Variants in MBNL1 observed in about 807,000 individuals in gnomAD.
MBNL1 encodes the protein muscleblind-like protein 1.
In MBNL1, 8 loss-of-function variants were observed where a neutral mutation model predicts 42.2. The ratio of observed to expected loss-of-function variants is 0.19; its 90% CI spans 0.11 to 0.34. The LOEUF (loss-of-function observed/expected upper bound fraction) is 0.34. Ranked by LOEUF, MBNL1 falls within the 10% of genes least tolerant of loss-of-function variation. The probability of loss-of-function intolerance (pLI) is 1.00; values close to 1 mark genes in which losing one functional copy is unlikely to be tolerated. For synonymous variants in MBNL1, 169 were observed against 173.9 expected (o/e 0.97, Z 0.22); for missense variants, 309 against 495.3 (o/e 0.62, Z 3.57).
At chr3:152,297,511 G>A (rs1019194917) in intron 1 of MBNL1, among the ~76,000 whole-genome samples, 3 of 151,540 alleles carry the variant, frequency 2.0e-5, no homozygotes, top group African/African-American at 4.9e-5. Flanking sequence ...CACCATGCCC[G>A]GCTAATTTTT....
At chr3:152,336,605 T>C (rs1333431098) in intron 2 of MBNL1, among the ~76,000 whole-genome samples, 1 of 152,234 alleles carries the variant, frequency 6.6e-6, no homozygotes, top group Admixed American at 6.5e-5. Context: ...AAATTTAAAA[T>C]ACTAACTGCT....
At chr3:152,269,778 A>G (rs2149692266) in intron 1 of MBNL1, 1 of 210,362 alleles carries the variant, frequency 4.8e-6, no homozygotes, top group South Asian at 5.1e-5. Flanking sequence ...CTGTAAGAAA[A>G]GTAAGTATAG....
intron 8 of MBNL1, 189 bp from the exon 9 acceptor site, chr3:152,459,082 G>A (rs1351300410): frequency 4.6e-6 from 2 of 435,678 alleles, no homozygotes; most frequent in Non-Finnish European, 8.3e-6. Flanking sequence ...TTAACATGAA[G>A]ATTTTAAAGT....
chr3:152,384,187 T>C (rs1029459029), intron 2 of MBNL1, among the ~76,000 whole-genome samples: 1 of 152,148 alleles, frequency 6.6e-6, no homozygotes, highest in East Asian at 1.9e-4. Flanking sequence ...GGGTGATCCA[T>C]GGAGGCAGAA....
At chr3:152,262,059 A>G (rs946993313) in intron 2 of MBNL1, among the ~76,000 whole-genome samples, 8 of 152,274 alleles carry the variant, frequency 5.3e-5, no homozygotes, top group African/African-American at 1.9e-4. Flanking sequence ...CCCAACCGCT[A>G]GACTATGAAC....
At chr3:152,387,492 G>A (rs1259537275) in intron 2 of MBNL1, among the ~76,000 whole-genome samples, 1 of 152,054 alleles carries the variant, frequency 6.6e-6, no homozygotes, top group Admixed American at 6.5e-5. Flanking sequence ...CTCTTCAAAA[G>A]TCATGACTTC....
chr3:152,353,460 G>A (rs2095258330), intron 2 of MBNL1, among the ~76,000 whole-genome samples: 1 of 152,142 alleles, frequency 6.6e-6, no homozygotes, highest in African/African-American at 2.4e-5. Context: ...CGTAGGAATT[G>A]ACCAAGCCAC....
chr3:152,425,318 G>A (rs1179789793), intron 3 of MBNL1, among the ~76,000 whole-genome samples: 1 of 152,066 alleles, frequency 6.6e-6, no homozygotes, highest in Non-Finnish European at 1.5e-5. Context: ...ATCATCGGTG[G>A]TCATTAGAGA....
At chr3:152,247,453 A>C (rs1668888096) in intron 2 of MBNL1, among the ~76,000 whole-genome samples, 1 of 152,030 alleles carries the variant, frequency 6.6e-6, no homozygotes, top group African/African-American at 2.4e-5. Flanking sequence ...ATACATGAAA[A>C]GAAAATACCT....
chr3:152,375,685 G>C (rs985043313), intron 2 of MBNL1, among the ~76,000 whole-genome samples: 1 of 152,032 alleles, frequency 6.6e-6, no homozygotes, highest in African/African-American at 2.4e-5. Context: ...CCAGGTCTTC[G>C]ATGTGTGCCT....
chr3:152,463,682 T>G lies in MBNL1; in HGVS notation c.*1316T>G, dbSNP rs1748768597. Reference sequence around the variant, plus strand: ...CTGCTTATAGCCTTAGAAAGCCTTTTACAAAATTAAAAAAAAAATAGATGT... The same window carrying G: ...CTGCTTATAGCCTTAGAAAGCCTTTGACAAAATTAAAAAAAAAATAGATGT... On this transcript the variant is annotated 3_prime_UTR_variant, in exon 10 of 10. Transcript: ENST00000324210. 1 of 152,368 alleles carries G rather than the reference T, an allele frequency of 6.6e-6. No individual in the cohort carries two copies. Among genetic ancestry groups the G allele is most frequent in the Non-Finnish European group, 1.5e-5 (1 of 67,940 alleles). The allele number at this position is 152,368 out of a possible 1,614,324, so 9.4% of individuals were successfully genotyped here.
At chr3:152,264,526 A>C (rs1325614286), upstream of MBNL1, 2 of 152,128 alleles carry the variant, frequency 1.3e-5, no homozygotes, top group Non-Finnish European at 2.9e-5. Flanking sequence ...AAAAAAGACA[A>C]TGAAAATGAA....
intron 2 of MBNL1, among the ~76,000 whole-genome samples, chr3:152,395,258 G>A (rs1376311025): frequency 6.6e-6 from 1 of 152,130 alleles, no homozygotes; most frequent in Non-Finnish European, 1.5e-5. Flanking sequence ...TTAAGATTTT[G>A]TAGCAGACAT....
rs541954239 is a variant in MBNL1 at position 152,336,086 on chromosome 3, G to A, written c.174+35719G>A. 1.8e-3 allele frequency among the ~76,000 whole-genome samples: 268 copies of A among 152,202 alleles called. 2 individuals are homozygous for A. The highest frequency in any genetic ancestry group is 6.0e-3 in the African/African-American group (250 of 41,516). ...ATTCATCAAAAATTTTTCCCCTTGC[G>A]ATGCTTAACAACAGTTATGAAAACC... On this transcript the variant is annotated intron_variant, in intron 2 of 9. Coordinates refer to ENST00000324210, the MANE Select transcript of MBNL1 (RefSeq NM_021038.5).
In MBNL1 at chr3:152,253,667, T is replaced by C. The variant is rs540879412; in HGVS notation, n.333+9227T>C. On this transcript the variant is annotated intron_variant and non_coding_transcript_variant, in intron 2 of 2. Coordinates refer to the MBNL1 transcript ENST00000477171. ...TGATATTCTGGCTCTACTCCTCATG[T>C]TCCCCCCAGAGTATTCTGAGCTCAT... 7.2e-5 allele frequency among the ~76,000 whole-genome samples: 11 copies of C among 152,230 alleles called. No individual in the cohort carries two copies. In the South Asian group the frequency reaches 8.3e-4, roughly 11 times the overall value.
At chr3:152,376,856 T>C (rs928673543) in intron 2 of MBNL1, among the ~76,000 whole-genome samples, 1 of 151,988 alleles carries the variant, frequency 6.6e-6, no homozygotes, top group Non-Finnish European at 1.5e-5. Flanking sequence ...TTGGGGAAAA[T>C]GGGTCTCGCT....
chr3:152,303,005 A>G (rs2061368411), intron 2 of MBNL1, among the ~76,000 whole-genome samples: 1 of 137,732 alleles, frequency 7.3e-6, no homozygotes. Flanking sequence ...TAGTTAGAAG[A>G]GGAGAATTTA....
chr3:152,409,566 C>CA (rs1274031330), intron 2 of MBNL1, among the ~76,000 whole-genome samples: 9 of 151,962 alleles, frequency 5.9e-5, no homozygotes, highest in Non-Finnish European at 1.5e-5. Flanking sequence ...GAAAGTGCTC[C>CA]AAAAACATTT....
intron 1 of MBNL1, among the ~76,000 whole-genome samples, chr3:152,278,348 A>G (rs2046456717): frequency 6.6e-6 from 1 of 152,178 alleles, no homozygotes; most frequent in Non-Finnish European, 1.5e-5. Flanking sequence ...GCATAGCAAA[A>G]GTGAACGACG....
Sources: allele counts gnomAD v4.1 joint callset (sites outside exome capture counted in the v4.1 genomes callset), GRCh38; gene constraint gnomAD v4.1.1; transcripts MANE v1.5; gene names NCBI Gene and HGNC (gene_info 2026-07-23, HGNC 2026-07-21).